The following TLL1 variants were observed in gnomAD, a reference collection of about 807,000 sequenced individuals.
TLL1 encodes tolloid-like protein 1.
In TLL1, 49 loss-of-function variants were observed where a neutral mutation model predicts 128.2. That is an observed-to-expected ratio of 0.38 (90% confidence interval 0.30 to 0.48). The LOEUF (loss-of-function observed/expected upper bound fraction) is 0.48, where lower values mean the gene tolerates loss of function less well. TLL1 is among the 20% of genes least tolerant of loss of function. The probability of loss-of-function intolerance (pLI) is 0.96; values close to 1 mark genes in which losing one functional copy is unlikely to be tolerated. For synonymous variants in TLL1, 454 were observed against 418.8 expected, an observed-to-expected ratio of 1.08 and a Z score of -1.03; for missense variants, 1,123 against 1,242.0, an observed-to-expected ratio of 0.90 and a Z score of 1.44.
At chr4:165,903,106 AG>A (rs1732077236) in intron 1 of TLL1, among the ~76,000 whole-genome samples, 1 of 152,128 alleles carries the variant, frequency 6.6e-6, no homozygotes, top group Non-Finnish European at 1.5e-5. Context: ...TGGGAGGCTG[AG>A]GCACGCAGAT....
intron 1 of TLL1, among the ~76,000 whole-genome samples, chr4:165,937,515 GC>G (rs1733818977): frequency 6.6e-6 from 1 of 152,064 alleles, no homozygotes; most frequent in South Asian, 2.1e-4. Flanking sequence ...AATTGTCAGA[GC>G]TTATAGCTGT....
intron 5 of TLL1, among the ~76,000 whole-genome samples, chr4:165,996,580 C>T (rs1309768720): frequency 6.7e-6 from 1 of 149,400 alleles, no homozygotes; most frequent in East Asian, 2.0e-4. Flanking sequence ...GCCTGTGCAA[C>T]AGAGGAAGAC....
chr4:165,913,776 G>A (rs1024428052), intron 1 of TLL1, among the ~76,000 whole-genome samples: 1 of 152,192 alleles, frequency 6.6e-6, no homozygotes, highest in Non-Finnish European at 1.5e-5. Context: ...CACTTTGGGA[G>A]GCTAACACAG....
rs112516796 is a variant in TLL1 at position 166,055,406 on chromosome 4, G to A, written c.1720+135G>A. 1.5e-3 allele frequency: 1,192 copies of A among 770,512 alleles called. 14 individuals carry two copies. The African/African-American group carries it at 0.019, about 12-fold the overall frequency. 47.7% of individuals were successfully genotyped at this position (770,512 alleles called of 1,614,324 possible). On this transcript the variant is annotated intron_variant, in intron 13 of 20. Transcript: ENST00000061240. ...GAATAAGGATATTTTGGAGAGTTTC[G>A]ATAGAAAAGGTTATTAATAAAATAC...
intron 18 of TLL1, among the ~76,000 whole-genome samples, chr4:166,088,536 T>G (rs1003199904): frequency 6.6e-6 from 1 of 152,080 alleles, no homozygotes; most frequent in Non-Finnish European, 1.5e-5. Context: ...TGCTTGTGTG[T>G]GGTGGAGCTT....
chr4:165,977,323 A>G (rs1434044778), intron 1 of TLL1, among the ~76,000 whole-genome samples: 1 of 152,086 alleles, frequency 6.6e-6, no homozygotes, highest in Non-Finnish European at 1.5e-5. Context: ...TGATGGTTTT[A>G]TAAATGTTTG....
Position 166,003,411 on chromosome 4 carries a change from G to A in TLL1, c.653G>A (p.Arg218Gln), listed in dbSNP as rs1019855568. 1.9e-6 allele frequency: 3 copies of A among 1,613,856 alleles called. No individual in the cohort carries two copies. The highest frequency in any genetic ancestry group is 1.3e-5 in the African/African-American group (1 of 74,948). ...RPCGCCSYVG[R>Q]RGNGPQAISI... ...TCCAGATGCTGCTCCTATGTAGGTCGGCGAGGAAATGGACCTCAGGCAATC... is the reference window on the plus strand; with the variant it reads ...TCCAGATGCTGCTCCTATGTAGGTCAGCGAGGAAATGGACCTCAGGCAATC... The change falls in exon 6 of 21, where the codon CGG (arginine) becomes CAG (glutamine). Residue 218 changes from arginine to glutamine, a missense_variant. Physicochemically the swap from Arg to Gln is conservative, Grantham distance 43. This residue lies in a region of TLL1 where 480 missense variants were observed against 542.4 expected (regional missense o/e 0.89). Coordinates refer to ENST00000061240, the MANE Select transcript of TLL1 (RefSeq NM_012464.5).
At chr4:166,093,656 TG>T in intron 19 of TLL1, among the ~76,000 whole-genome samples, 1 of 152,246 alleles carries the variant, frequency 6.6e-6, no homozygotes, top group Non-Finnish European at 1.5e-5. Context: ...GGTGTCGGGC[TG>T]GGGGACGGTC....
At chr4:165,969,685 G>T (rs945536408) in intron 1 of TLL1, among the ~76,000 whole-genome samples, 2 of 152,016 alleles carry the variant, frequency 1.3e-5, no homozygotes, top group Non-Finnish European at 2.9e-5. Context: ...ATTATTCAGG[G>T]CCTGCTTTTC....
intron 1 of TLL1, among the ~76,000 whole-genome samples, chr4:165,883,675 T>A (rs1271524898): frequency 6.6e-6 from 1 of 152,216 alleles, no homozygotes; most frequent in Non-Finnish European, 1.5e-5. Context: ...ACTACTTATT[T>A]GTGGAGAGAT....
intron 1 of TLL1, among the ~76,000 whole-genome samples, chr4:165,977,137 G>A (rs568710822): frequency 1.3e-5 from 2 of 152,238 alleles, no homozygotes; most frequent in African/African-American, 4.8e-5. Flanking sequence ...AAATATAGGC[G>A]ATATGGTTGG....
chr4:166,100,296 AGAGT>A (rs1177690427), intron 20 of TLL1, among the ~76,000 whole-genome samples: 1 of 152,122 alleles, frequency 6.6e-6, no homozygotes, highest in Non-Finnish European at 1.5e-5. Flanking sequence ...CTTGATGCTT[AGAGT>A]ATTAAAACAA....
chr4:165,962,674 T>G lies in TLL1; in HGVS notation c.170-26707T>G, dbSNP rs187178878. On this transcript the variant is annotated intron_variant, in intron 1 of 20. Coordinates refer to ENST00000061240, the MANE Select transcript of TLL1 (RefSeq NM_012464.5). ...AGGTAAGCCAGGTGCTCATCAATGG[T>G]GGACTGGATAAAGAAAACGTGGTAC... Among the ~76,000 whole-genome samples, 460 of 152,246 alleles carry G rather than the reference T, an allele frequency of 3.0e-3. 3 individuals carry two copies. The highest frequency in any genetic ancestry group is 0.01 in the African/African-American group (433 of 41,566).
At chr4:165,949,115 A>T (rs868763980) in intron 1 of TLL1, among the ~76,000 whole-genome samples, 1 of 152,164 alleles carries the variant, frequency 6.6e-6, no homozygotes, top group Non-Finnish European at 1.5e-5. Context: ...AGAAAAATTC[A>T]TCAAAAGGGG....
At chr4:166,091,973 T>C (rs565126390) in intron 19 of TLL1, among the ~76,000 whole-genome samples, 1 of 152,186 alleles carries the variant, frequency 6.6e-6, no homozygotes, top group South Asian at 2.1e-4. Flanking sequence ...ACATTACTTA[T>C]AGTTTGGAGA....
chr4:165,977,238 A>T (rs967239822), intron 1 of TLL1, among the ~76,000 whole-genome samples: 6 of 152,184 alleles, frequency 3.9e-5, no homozygotes, highest in Non-Finnish European at 8.8e-5. Flanking sequence ...TGATTGGATC[A>T]TGGGGGGCAG....
At chr4:166,047,102 A>C (rs1409116057) in intron 12 of TLL1, among the ~76,000 whole-genome samples, 1 of 152,160 alleles carries the variant, frequency 6.6e-6, no homozygotes, top group African/African-American at 2.4e-5. Flanking sequence ...CTGATAAAGT[A>C]CAGTTTTTAT....
At chr4:165,916,913 A>T (rs925093449) in intron 1 of TLL1, among the ~76,000 whole-genome samples, 1 of 152,134 alleles carries the variant, frequency 6.6e-6, no homozygotes, top group African/African-American at 2.4e-5. Flanking sequence ...GGCATTTTGC[A>T]GGATTATTGG....
At chr4:165,965,982 C>A (rs1332908740) in intron 1 of TLL1, among the ~76,000 whole-genome samples, 1 of 151,968 alleles carries the variant, frequency 6.6e-6, no homozygotes, top group South Asian at 2.1e-4. Context: ...AGTTCAAGAC[C>A]AGCGTGGCCA....
Sources: gnomAD v4.1 joint callset for allele counts (sites outside exome capture counted in the v4.1 genomes callset) on GRCh38, gnomAD v4.1.1 for gene constraint, gnomAD v4.1.1 regional missense constraint, MANE v1.5 for transcripts, NCBI Gene and HGNC (gene_info 2026-07-23, HGNC 2026-07-21) for gene names.